Variants in NECAB1 observed in about 807,000 individuals in gnomAD.
The protein encoded by NECAB1 is N-terminal EF-hand calcium-binding protein 1.
A neutral mutation model predicts 57.5 loss-of-function variants in NECAB1; 29 were observed. That is an observed-to-expected ratio of 0.50 (90% CI 0.38 to 0.69). The LOEUF (loss-of-function observed/expected upper bound fraction) is 0.69. NECAB1 is among the 30% of genes least tolerant of loss of function. NECAB1 has a pLI of 0.00. For missense variants in NECAB1, 372 were observed against 413.8 expected, an observed-to-expected ratio of 0.90 and a Z score of 0.88; for synonymous variants, 142 against 147.7, an observed-to-expected ratio of 0.96 and a Z score of 0.28.
At chr8:90,805,763 G>T (rs1811836828) in intron 2 of NECAB1, among the ~76,000 whole-genome samples, 1 of 151,728 alleles carries the variant, frequency 6.6e-6, no homozygotes, top group Non-Finnish European at 1.5e-5. Context: ...GGGAAATAAA[G>T]GTCAAATATA....
chr8:90,806,456 TAATC>T (rs1275121907), intron 2 of NECAB1: 2 of 152,248 alleles, frequency 1.3e-5, no homozygotes, highest in Non-Finnish European at 2.9e-5. Context: ...ATATATAATT[TAATC>T]AAACAAAGCA....
intron 6 of NECAB1, among the ~76,000 whole-genome samples, chr8:90,922,486 A>ATGTTTTTTTTTTTTTTTTTTTTTTTT (rs1810140117): frequency 3.5e-5 from 2 of 57,520 alleles, no homozygotes; most frequent in Admixed American, 3.0e-4. Flanking sequence ...AAAAACTTGG[A>ATGTTTTTTTTTTTTTTTTTTTTTTTT]TTTTTTTTTT....
At chr8:90,892,738 A>C (rs1434291005) in intron 5 of NECAB1, among the ~76,000 whole-genome samples, 1 of 152,170 alleles carries the variant, frequency 6.6e-6, no homozygotes, top group African/African-American at 2.4e-5. Context: ...CACCGAAGTC[A>C]TTATTTTTCA....
chr8:90,816,904 AT>A lies in NECAB1; in HGVS notation c.125-7811del, dbSNP rs142838307. ...GAATCAATAGATTAAGTTGGGAAGG[AT>A]TGACACCTTAATGATATTGAGTTTC... is the stretch of plus-strand genomic sequence containing the variant. On this transcript the variant is annotated intron_variant, in intron 2 of 12. Transcript: ENST00000417640. 3.3e-3 allele frequency among the ~76,000 whole-genome samples: 508 copies of A among 151,818 alleles called. 3 individuals carry two copies. The highest frequency in any genetic ancestry group is 0.012 in the African/African-American group (498 of 41,516).
chr8:90,936,453 G>A (rs376452734), intron 9 of NECAB1, among the ~76,000 whole-genome samples: 2 of 152,074 alleles, frequency 1.3e-5, no homozygotes, highest in African/African-American at 2.4e-5. Context: ...GCTATCCTCA[G>A]ACTCATTTTA....
intron 4 of NECAB1, among the ~76,000 whole-genome samples, chr8:90,880,763 A>G (rs1234658522): frequency 1.3e-5 from 2 of 152,200 alleles, no homozygotes; most frequent in Non-Finnish European, 2.9e-5. Flanking sequence ...CCTTGTCAGT[A>G]GATTCAGATT....
chr8:90,811,024 C>T (rs895833866), intron 2 of NECAB1, among the ~76,000 whole-genome samples: 4 of 151,626 alleles, frequency 2.6e-5, no homozygotes, highest in South Asian at 2.1e-4. Context: ...CTCGGCTCAC[C>T]GCAACCTCCA....
chr8:90,929,910 CAAA>C (rs1810366100), intron 8 of NECAB1, among the ~76,000 whole-genome samples: 1 of 152,006 alleles, frequency 6.6e-6, no homozygotes, highest in Admixed American at 6.5e-5. Context: ...GAAGTAGTAA[CAAA>C]TAAGGTTGTA....
intron 4 of NECAB1, among the ~76,000 whole-genome samples, chr8:90,876,698 A>G (rs1306167710): frequency 1.3e-5 from 2 of 152,190 alleles, no homozygotes; most frequent in East Asian, 3.9e-4. Flanking sequence ...AGAAGATGGC[A>G]CACTGGATAT....
chr8:90,879,939 A>G (rs1808807117), intron 4 of NECAB1, among the ~76,000 whole-genome samples: 1 of 152,206 alleles, frequency 6.6e-6, no homozygotes, highest in Non-Finnish European at 1.5e-5. Context: ...GTGTATACAG[A>G]CTGTATTTTG....
At chr8:90,855,726 A>G (rs975158801) in intron 3 of NECAB1, among the ~76,000 whole-genome samples, 1 of 151,998 alleles carries the variant, frequency 6.6e-6, no homozygotes, top group Non-Finnish European at 1.5e-5. Flanking sequence ...CTCTGGAGGG[A>G]TATTTGAGGG....
chr8:90,939,000 T>C (rs1479703060), intron 9 of NECAB1, among the ~76,000 whole-genome samples: 2 of 152,182 alleles, frequency 1.3e-5, no homozygotes, highest in Non-Finnish European at 2.9e-5. Context: ...GTGTGCTCTA[T>C]GTGGTTTTTA....
intron 2 of NECAB1, among the ~76,000 whole-genome samples, chr8:90,807,206 A>G (rs1348588096): frequency 1.3e-5 from 2 of 152,204 alleles, no homozygotes; most frequent in African/African-American, 4.8e-5. Context: ...CCAGAAAATA[A>G]TGTTGGCAAT....
intron 6 of NECAB1, among the ~76,000 whole-genome samples, chr8:90,919,362 T>C (rs1810050820): frequency 6.6e-6 from 1 of 152,208 alleles, no homozygotes; most frequent in African/African-American, 2.4e-5. Flanking sequence ...GATAATAGAC[T>C]ACCCTGCAGG....
chr8:90,942,107 A>G (rs1368596544), intron 10 of NECAB1, among the ~76,000 whole-genome samples: 2 of 152,174 alleles, frequency 1.3e-5, no homozygotes, highest in Non-Finnish European at 2.9e-5. Context: ...TCTAGCTAAG[A>G]AGTCTGGCTC....
At chr8:90,911,274 G>GA in intron 5 of NECAB1, among the ~76,000 whole-genome samples, 1 of 152,124 alleles carries the variant, frequency 6.6e-6, no homozygotes, top group Admixed American at 6.6e-5. Flanking sequence ...GAAGAAAGAG[G>GA]AGTAAAATCA....
At chr8:90,883,079 G>A (rs1354654761) in intron 5 of NECAB1, among the ~76,000 whole-genome samples, 5 of 152,104 alleles carry the variant, frequency 3.3e-5, no homozygotes, top group African/African-American at 1.2e-4. Flanking sequence ...AAATCATGCT[G>A]TTTTCCTTGT....
At chr8:90,947,675 ACAGGT>A (rs1461070544) in intron 10 of NECAB1, among the ~76,000 whole-genome samples, 1 of 152,194 alleles carries the variant, frequency 6.6e-6, no homozygotes, top group African/African-American at 2.4e-5. Flanking sequence ...TGCTGGGATT[ACAGGT>A]GTGAGTCACT....
intron 5 of NECAB1, among the ~76,000 whole-genome samples, chr8:90,901,010 T>C (rs1809488193): frequency 1.3e-5 from 2 of 152,200 alleles, no homozygotes; most frequent in Admixed American, 1.3e-4. Context: ...AGTTATAAAT[T>C]AGAATCTAAA....
Sources: gnomAD v4.1 joint callset for allele counts (sites outside exome capture counted in the v4.1 genomes callset) on GRCh38, gnomAD v4.1.1 for gene constraint, MANE v1.5 for transcripts, NCBI Gene and HGNC (gene_info 2026-07-23, HGNC 2026-07-21) for gene names.